Variants in TBCK observed in about 807,000 individuals in gnomAD.
TBCK encodes the protein TBC1 domain containing kinase.
A neutral mutation model predicts 113.4 loss-of-function variants in TBCK; 99 were observed. The observed-to-expected ratio is 0.87, with a 90% confidence interval of 0.74 to 1.03. The LOEUF is 1.03. Ranked by LOEUF, TBCK falls within the 50% of genes least tolerant of loss-of-function variation. The pLI, the probability that TBCK is intolerant of heterozygous loss-of-function variation, is 0.00. For synonymous variants in TBCK, 369 were observed against 370.8 expected (o/e 1.00, Z 0.05); for missense variants, 1,045 against 1,061.3 (o/e 0.98, Z 0.21).
chr4:106,222,648 GATAAATAT>G (rs1757832625), intron 19 of TBCK, among the ~76,000 whole-genome samples: 2 of 152,138 alleles, frequency 1.3e-5, no homozygotes, highest in African/African-American at 4.8e-5. Context: ...TCATGAAGAT[GATAAATAT>G]AGATAGGTTG....
intron 14 of TBCK, among the ~76,000 whole-genome samples, 165 bp from the exon 15 acceptor site, chr4:106,235,532 T>G (rs1343316030): frequency 6.6e-6 from 1 of 152,032 alleles, no homozygotes; most frequent in Admixed American, 6.6e-5. Context: ...AAATAAGCAG[T>G]AGAATGAATG....
rs376943297 is a variant in TBCK, at chr4:106,215,959, C to G, written c.1775-3124G>C. Among the ~76,000 whole-genome samples, 5 of 146,798 alleles carry G rather than the reference C, an allele frequency of 3.4e-5. No homozygotes were observed. The South Asian group carries it at 6.7e-4, about 20-fold the overall frequency. ...CACCTATTCCAAAATTGACCACATA[C>G]TTGGAAGTAAAGCTCTCCTCAGCAA... is the stretch of plus-strand genomic sequence containing the variant. On this transcript the variant is annotated intron_variant, in intron 19 of 25. Transcript: ENST00000394708.
At chr4:106,315,139 A>T (rs539166956) in intron 1 of TBCK, among the ~76,000 whole-genome samples, 43 of 152,016 alleles carry the variant, frequency 2.8e-4, no homozygotes, top group Middle Eastern at 3.4e-3. Context: ...CTACCGGGGG[A>T]AAAAAAACGT....
chr4:106,079,983 A>G (rs1738667693), intron 25 of TBCK, among the ~76,000 whole-genome samples: 1 of 152,028 alleles, frequency 6.6e-6, no homozygotes, highest in African/African-American at 2.4e-5. Context: ...CAGAAAATCC[A>G]CCTCCATGAT....
chr4:106,117,501 C>G (rs1307190905), intron 23 of TBCK, among the ~76,000 whole-genome samples: 2 of 152,136 alleles, frequency 1.3e-5, no homozygotes, highest in African/African-American at 4.8e-5. Context: ...ACTTAAGACT[C>G]CAGGCTATCA....
intron 20 of TBCK, among the ~76,000 whole-genome samples, chr4:106,201,831 A>G (rs892548889): frequency 3.3e-5 from 5 of 152,062 alleles, no homozygotes; most frequent in African/African-American, 4.8e-5. Context: ...GTCTATCTTA[A>G]GTCAGAAGTA....
At chr4:106,144,246 A>G (rs1467033823) in intron 23 of TBCK, among the ~76,000 whole-genome samples, 2 of 152,240 alleles carry the variant, frequency 1.3e-5, no homozygotes, top group Admixed American at 1.3e-4. Context: ...GGAAATTGAT[A>G]TAAAATGATA....
chr4:106,171,332 A>C (rs1259189853), intron 22 of TBCK, 62 bp from the exon 23 acceptor site: 1 of 1,248,764 alleles, frequency 8.0e-7, no homozygotes, highest in Admixed American at 2.1e-5. Flanking sequence ...TTAATGTAAT[A>C]AACACCATCT....
intron 22 of TBCK, among the ~76,000 whole-genome samples, chr4:106,172,330 A>G (rs1038298669): frequency 6.6e-6 from 1 of 152,044 alleles, no homozygotes; most frequent in African/African-American, 2.4e-5. Context: ...CTACAACTCT[A>G]TATTGTTTGT....
intron 3 of TBCK, among the ~76,000 whole-genome samples, chr4:106,272,171 T>G (rs1054404225): frequency 6.6e-6 from 1 of 152,218 alleles, no homozygotes; most frequent in Non-Finnish European, 1.5e-5. Context: ...GCTATCTTTT[T>G]CTAATTGTCA....
chr4:106,311,496 AAAAC>A (rs1258247609), intron 1 of TBCK, among the ~76,000 whole-genome samples: 7 of 152,208 alleles, frequency 4.6e-5, no homozygotes, highest in Admixed American at 4.6e-4. Flanking sequence ...AACAAAAAAT[AAAAC>A]AAATAATTCT....
intron 5 of TBCK, among the ~76,000 whole-genome samples, chr4:106,253,201 T>C (rs1042087191): frequency 8.5e-5 from 13 of 152,276 alleles, no homozygotes; most frequent in African/African-American, 3.1e-4. Context: ...ATGTACTGTT[T>C]AGTCAAGCAT....
intron 20 of TBCK, among the ~76,000 whole-genome samples, chr4:106,197,411 G>GTGTATATATATATATATATATATA (rs35695611): frequency 7.2e-4 from 88 of 122,424 alleles, no homozygotes; most frequent in African/African-American, 2.6e-3. Flanking sequence ...GTGTGTGTGT[G>GTGTATATATATATATATATATATA]TATATATATA....
intron 24 of TBCK, 46 bp downstream of exon 24, chr4:106,116,157 A>C: frequency 6.5e-7 from 1 of 1,546,080 alleles, no homozygotes; most frequent in Non-Finnish European, 8.8e-7. Context: ...AGGATGCAAT[A>C]CAAATAAGCA....
chr4:106,238,963 C>T (rs1033193269), intron 12 of TBCK, among the ~76,000 whole-genome samples: 1 of 152,082 alleles, frequency 6.6e-6, no homozygotes, highest in Non-Finnish European at 1.5e-5. Context: ...TGAGATTAAC[C>T]TCTGCAGGTC....
At chr4:106,175,768 T>C (rs1751591530) in intron 22 of TBCK, among the ~76,000 whole-genome samples, 1 of 152,166 alleles carries the variant, frequency 6.6e-6, no homozygotes, top group Admixed American at 6.5e-5. Flanking sequence ...CTCTCCATTA[T>C]ACTTCCTTGA....
At chr4:106,206,241 G>A (rs1021689409) in intron 20 of TBCK, among the ~76,000 whole-genome samples, 3 of 152,148 alleles carry the variant, frequency 2.0e-5, no homozygotes, top group Admixed American at 2.0e-4. Flanking sequence ...AGATGTGGGG[G>A]TAATGCAAAT....
chr4:106,100,412 G>A (rs996731767), intron 24 of TBCK, among the ~76,000 whole-genome samples: 17 of 152,130 alleles, frequency 1.1e-4, no homozygotes, highest in African/African-American at 3.9e-4. Flanking sequence ...AAGTGTCAAC[G>A]ATATAGAATT....
At chr4:106,113,969 G>A (rs935791897) in intron 24 of TBCK, among the ~76,000 whole-genome samples, 6 of 152,032 alleles carry the variant, frequency 3.9e-5, no homozygotes, top group African/African-American at 1.2e-4. Context: ...CCTCAATAAC[G>A]GCACACATTG....
Sources: gnomAD v4.1 joint callset for allele counts (sites outside exome capture counted in the v4.1 genomes callset) on GRCh38, gnomAD v4.1.1 for gene constraint, MANE v1.5 for transcripts, NCBI Gene and HGNC (gene_info 2026-07-23, HGNC 2026-07-21) for gene names.